NCKAP5: variants seen among roughly 807,000 people sequenced by gnomAD.
NCKAP5 encodes NCK associated protein 5.
In NCKAP5, 92 loss-of-function variants were observed where a neutral mutation model predicts 167.0. The observed-to-expected ratio is 0.55, with a 90% CI of 0.47 to 0.66. NCKAP5 has a LOEUF of 0.66. Ranked by LOEUF, NCKAP5 falls within the 30% of genes least tolerant of loss-of-function variation. The pLI is 0.00. For missense variants in NCKAP5, 2,378 were observed against 2,315.0 expected (o/e 1.03, Z -0.56); for synonymous variants, 891 against 877.4 (o/e 1.02, Z -0.27).
At chr2:133,285,999 CT>C (rs555131855) in intron 4 of NCKAP5, among the ~76,000 whole-genome samples, 277 of 143,948 alleles carry the variant, frequency 1.9e-3, no homozygotes, top group Middle Eastern at 7.3e-3. Context: ...TCTGTGACTT[CT>C]TTTTTTTTTT....
At chr2:133,519,950 G>A (rs1002806910) in intron 2 of NCKAP5, among the ~76,000 whole-genome samples, 1 of 152,138 alleles carries the variant, frequency 6.6e-6, no homozygotes, top group African/African-American at 2.4e-5. Context: ...CACTTTGGGA[G>A]ACTGAGGCAG....
At chr2:133,374,532 T>C (rs1315818737) in intron 3 of NCKAP5, among the ~76,000 whole-genome samples, 1 of 151,978 alleles carries the variant, frequency 6.6e-6, no homozygotes, top group Non-Finnish European at 1.5e-5. Context: ...TGCACCACTC[T>C]AGTGGGAGAT....
intron 2 of NCKAP5, among the ~76,000 whole-genome samples, chr2:133,527,641 T>C (rs1188581213): frequency 1.3e-5 from 2 of 152,146 alleles, no homozygotes; most frequent in Non-Finnish European, 2.9e-5. Flanking sequence ...ATGTCCTAAG[T>C]AATAATGGCT....
At chr2:133,384,562 T>C (rs376605237) in intron 3 of NCKAP5, among the ~76,000 whole-genome samples, 8 of 152,122 alleles carry the variant, frequency 5.3e-5, no homozygotes, top group Non-Finnish European at 1.0e-4. Flanking sequence ...TCCATGTGAA[T>C]TTTAAAGTAG....
At chr2:133,470,856 C>T (rs1679212298) in intron 3 of NCKAP5, among the ~76,000 whole-genome samples, 1 of 152,264 alleles carries the variant, frequency 6.6e-6, no homozygotes, top group East Asian at 1.9e-4. Context: ...GGCAATGCCT[C>T]ACCCTGCTTT....
At chr2:132,809,784 G>A (rs1685719015) in intron 11 of NCKAP5, among the ~76,000 whole-genome samples, 2 of 152,106 alleles carry the variant, frequency 1.3e-5, no homozygotes, top group South Asian at 2.1e-4. Context: ...GAGATGTGAC[G>A]TACCATTGCA....
chr2:132,759,038 G>C (rs1680786090), intron 16 of NCKAP5, among the ~76,000 whole-genome samples: 1 of 151,890 alleles, frequency 6.6e-6, no homozygotes, highest in African/African-American at 2.4e-5. Context: ...TTAATTTGCT[G>C]TTTGTTCCTT....
chr2:132,717,545 C>T (rs935205881), intron 19 of NCKAP5, among the ~76,000 whole-genome samples: 58 of 152,166 alleles, frequency 3.8e-4, no homozygotes, highest in African/African-American at 1.3e-3. Context: ...GGCAGGATGG[C>T]AGCGTTTTTA....
At chr2:133,427,106 C>A (rs1457052754) in intron 3 of NCKAP5, among the ~76,000 whole-genome samples, 1 of 152,062 alleles carries the variant, frequency 6.6e-6, no homozygotes, top group Non-Finnish European at 1.5e-5. Context: ...CATCAAAACA[C>A]AAAAGCAACA....
intron 19 of NCKAP5, among the ~76,000 whole-genome samples, chr2:132,685,163 C>T (rs548762244): frequency 6.6e-6 from 1 of 152,274 alleles, no homozygotes; most frequent in East Asian, 1.9e-4. Flanking sequence ...TTTTCTCTTA[C>T]CAGCTTGTCC....
At chr2:133,380,174 T>C (rs947703573) in intron 3 of NCKAP5, among the ~76,000 whole-genome samples, 3 of 152,178 alleles carry the variant, frequency 2.0e-5, no homozygotes, top group Non-Finnish European at 2.9e-5. Context: ...TTTATCCTAG[T>C]ATAAGAAAAA....
intron 8 of NCKAP5, among the ~76,000 whole-genome samples, chr2:132,896,233 C>T (rs969694303): frequency 6.6e-6 from 1 of 152,212 alleles, no homozygotes; most frequent in Non-Finnish European, 1.5e-5. Flanking sequence ...AATGAAATTA[C>T]GTGAAAATGA....
intron 7 of NCKAP5, among the ~76,000 whole-genome samples, chr2:132,978,702 T>C (rs935740821): frequency 1.3e-5 from 2 of 152,116 alleles, no homozygotes; most frequent in South Asian, 2.1e-4. Context: ...AACATGACAA[T>C]AGTCGGGAAA....
At chr2:133,669,452 T>C in the NCKAP5 span, among the ~76,000 whole-genome samples, 312 of 152,250 alleles carry the variant, frequency 2.0e-3, 1 homozygote, top group African/African-American at 7.3e-3. Context: ...TTAAGTGGTT[T>C]ATTTTATCAT....
chr2:133,638,036 G>A, the NCKAP5 span, among the ~76,000 whole-genome samples: 5 of 152,128 alleles, frequency 3.3e-5, no homozygotes, highest in African/African-American at 7.2e-5. Context: ...AGATTCCGAT[G>A]ATAGCAGATC....
At chr2:133,057,408 T>C (rs941316510) in intron 6 of NCKAP5, among the ~76,000 whole-genome samples, 3 of 152,150 alleles carry the variant, frequency 2.0e-5, no homozygotes, top group African/African-American at 7.2e-5. Context: ...GGTAGCCAAG[T>C]TGTGAATGCA....
intron 3 of NCKAP5, among the ~76,000 whole-genome samples, chr2:133,349,536 TAC>T (rs1684210298): frequency 6.6e-6 from 1 of 152,228 alleles, no homozygotes; most frequent in Non-Finnish European, 1.5e-5. Context: ...CTAATGAGAA[TAC>T]ACAGTTTTAA....
chr2:132,838,865 G>A (rs539995467), intron 11 of NCKAP5, among the ~76,000 whole-genome samples: 3 of 152,230 alleles, frequency 2.0e-5, no homozygotes, highest in African/African-American at 4.8e-5. Context: ...CTTGGTATCC[G>A]TAACAGTAAT....
At chr2:132,786,833 A>G (rs191102362) in intron 13 of NCKAP5, among the ~76,000 whole-genome samples, 1 of 152,296 alleles carries the variant, frequency 6.6e-6, no homozygotes, top group East Asian at 1.9e-4. Flanking sequence ...TTTCTATAGT[A>G]CGTCGGTTTT....
Sources: allele counts gnomAD v4.1 joint callset (sites outside exome capture counted in the v4.1 genomes callset), GRCh38; gene constraint gnomAD v4.1.1; transcripts MANE v1.5; gene names NCBI Gene and HGNC (gene_info 2026-07-23, HGNC 2026-07-21).